Variants in FBXL13 observed in about 807,000 individuals in gnomAD.
The protein encoded by FBXL13 is F-box and leucine-rich repeat protein 13.
In FBXL13, 67 loss-of-function variants were observed where a neutral mutation model predicts 83.6. The ratio of observed to expected loss-of-function variants is 0.80; its 90% CI spans 0.66 to 0.98. The LOEUF (loss-of-function observed/expected upper bound fraction) is 0.98, where lower values mean the gene tolerates loss of function less well. FBXL13 is among the 50% of genes least tolerant of loss of function. The pLI, the probability that FBXL13 is intolerant of heterozygous loss-of-function variation, is 0.00. For synonymous variants in FBXL13, 272 were observed against 299.5 expected (o/e 0.91, Z 0.95); for missense variants, 822 against 866.5 (o/e 0.95, Z 0.64).
chr7:103,002,899 T>C (rs143614305), intron 6 of FBXL13, among the ~76,000 whole-genome samples: 39 of 152,290 alleles, frequency 2.6e-4, no homozygotes, highest in African/African-American at 9.4e-4. Flanking sequence ...TTGAATCTAT[T>C]TGGTGATCTC....
At chr7:102,845,706 G>A (rs1277746771) in intron 17 of FBXL13, among the ~76,000 whole-genome samples, 3 of 152,044 alleles carry the variant, frequency 2.0e-5, no homozygotes, top group African/African-American at 7.2e-5. Flanking sequence ...CCTTGTTCAG[G>A]TTGCTATCCT....
At chr7:103,051,515 C>CA (rs1216337012) in intron 2 of FBXL13, among the ~76,000 whole-genome samples, 13 of 152,206 alleles carry the variant, frequency 8.5e-5, no homozygotes, top group Admixed American at 2.6e-4. Context: ...TCAGTGAACA[C>CA]AAGTGGGTCC....
intron 9 of FBXL13, among the ~76,000 whole-genome samples, chr7:102,930,588 C>G (rs1478822036): frequency 6.6e-6 from 1 of 152,174 alleles, no homozygotes; most frequent in Non-Finnish European, 1.5e-5. Context: ...ATTGTTCAGT[C>G]CTTTTCTTAC....
At chr7:102,909,946 T>C (rs1814377476) in intron 11 of FBXL13, among the ~76,000 whole-genome samples, 1 of 152,160 alleles carries the variant, frequency 6.6e-6, no homozygotes, top group African/African-American at 2.4e-5. Flanking sequence ...CTGTGCCTAG[T>C]TGAGCACTAG....
intron 1 of FBXL13, among the ~76,000 whole-genome samples, chr7:103,070,708 C>G (rs114535467): frequency 0.011 from 1,676 of 152,214 alleles, 35 homozygotes; most frequent in African/African-American, 0.039. Context: ...CTGCAGAAGG[C>G]AAAGGGAGCC....
intron 6 of FBXL13, among the ~76,000 whole-genome samples, chr7:103,000,115 A>G (rs1041730390): frequency 1.3e-5 from 2 of 152,014 alleles, no homozygotes; most frequent in Non-Finnish European, 2.9e-5. Context: ...TCATTTTTTT[A>G]ACTTAAGATA....
At chr7:102,985,715 A>G (rs1221944897) in intron 6 of FBXL13, among the ~76,000 whole-genome samples, 1 of 152,222 alleles carries the variant, frequency 6.6e-6, no homozygotes, top group Non-Finnish European at 1.5e-5. Flanking sequence ...CATAAGGCAG[A>G]ACATCCAGTC....
At chr7:102,872,360 T>C (rs1808636372) in intron 16 of FBXL13, among the ~76,000 whole-genome samples, 1 of 152,206 alleles carries the variant, frequency 6.6e-6, no homozygotes, top group South Asian at 2.1e-4. Flanking sequence ...CCCAGGGTTC[T>C]GGGAAAACAA....
chr7:102,868,124 C>T (rs1259634827), intron 16 of FBXL13, among the ~76,000 whole-genome samples: 1 of 152,154 alleles, frequency 6.6e-6, no homozygotes, highest in Non-Finnish European at 1.5e-5. Context: ...ATTAGCATAT[C>T]TATCACCTCA....
chr7:102,993,187 CCT>C (rs1357665017), intron 6 of FBXL13, among the ~76,000 whole-genome samples: 3 of 152,136 alleles, frequency 2.0e-5, no homozygotes, highest in African/African-American at 7.2e-5. Flanking sequence ...CAGACTGACC[CCT>C]GAGGTTATCA....
intron 9 of FBXL13, among the ~76,000 whole-genome samples, chr7:102,927,047 T>G (rs1818276070): frequency 6.6e-6 from 1 of 152,020 alleles, no homozygotes; most frequent in African/African-American, 2.4e-5. Flanking sequence ...AGCTGAAAAC[T>G]GAAGTAAGAG....
At chr7:102,924,871 C>T (rs1175704155) in intron 10 of FBXL13, among the ~76,000 whole-genome samples, 1 of 151,926 alleles carries the variant, frequency 6.6e-6, no homozygotes, top group Non-Finnish European at 1.5e-5. Context: ...CCTCATGATC[C>T]ACCCGCCCCG....
intron 2 of FBXL13, among the ~76,000 whole-genome samples, chr7:103,034,414 G>A (rs544095259): frequency 8.5e-5 from 13 of 152,336 alleles, no homozygotes; most frequent in South Asian, 6.2e-4. Context: ...AAAGCCCAGC[G>A]AGAAATTGAG....
chr7:103,010,057 G>A lies in FBXL13; in HGVS notation c.495+15006C>T, dbSNP rs566991504. On this transcript the variant is annotated intron_variant, in intron 6 of 19. Transcript: ENST00000313221. ...CACCTGGATGGCAGGCAGAGCCCAT[G>A]ACCCCGCCCACCCCACTACTGGTAA... Among the ~76,000 whole-genome samples the A allele has an allele frequency of 9.0e-4, 136 of 150,630 alleles. 1 individual carries two copies. The South Asian group carries it at 0.028, about 31-fold the overall frequency.
intron 18 of FBXL13, among the ~76,000 whole-genome samples, chr7:102,830,261 G>A (rs555517342): frequency 6.6e-6 from 1 of 152,258 alleles, no homozygotes; most frequent in South Asian, 2.1e-4. Flanking sequence ...TGTTTGCACT[G>A]GAGCCTTTTC....
intron 2 of FBXL13, among the ~76,000 whole-genome samples, chr7:103,048,139 C>A (rs1033329271): frequency 6.6e-6 from 1 of 152,072 alleles, no homozygotes; most frequent in African/African-American, 2.4e-5. Flanking sequence ...GCTTCAGGGG[C>A]CCTCTGTAGC....
At chr7:102,948,158 G>C (rs916731052) in intron 8 of FBXL13, among the ~76,000 whole-genome samples, 2 of 151,898 alleles carry the variant, frequency 1.3e-5, no homozygotes, top group Admixed American at 6.6e-5. Context: ...CTGCCTCCTG[G>C]GTTCAAGTGA....
chr7:102,826,043 A>G (rs1424231970), intron 18 of FBXL13, among the ~76,000 whole-genome samples: 2 of 152,130 alleles, frequency 1.3e-5, no homozygotes, highest in Non-Finnish European at 2.9e-5. Context: ...CCATTAATAT[A>G]TGTGATTTTT....
At chr7:102,954,769 C>T (rs759259210) in intron 8 of FBXL13, among the ~76,000 whole-genome samples, 1 of 152,042 alleles carries the variant, frequency 6.6e-6, no homozygotes, top group Non-Finnish European at 1.5e-5. Flanking sequence ...AGACTTTAAA[C>T]CAACAAAGAT....
Sources: gnomAD v4.1 joint callset for allele counts (sites outside exome capture counted in the v4.1 genomes callset) on GRCh38, gnomAD v4.1.1 for gene constraint, MANE v1.5 for transcripts, NCBI Gene and HGNC (gene_info 2026-07-23, HGNC 2026-07-21) for gene names.